ZFAT: variants seen among roughly 807,000 people sequenced by gnomAD.
ZFAT encodes zinc finger protein ZFAT.
Under a neutral mutation model 117.7 loss-of-function variants are expected in ZFAT, and 64 were observed. The ratio of observed to expected loss-of-function variants is 0.54; its 90% CI spans 0.44 to 0.67. ZFAT has a LOEUF of 0.67. ZFAT is among the 30% of genes least tolerant of loss of function. ZFAT has a pLI of 0.00. For missense variants in ZFAT, 1,433 were observed against 1,584.5 expected, an observed-to-expected ratio of 0.90 and a Z score of 1.62; for synonymous variants, 679 against 615.0, an observed-to-expected ratio of 1.10 and a Z score of -1.54.
chr8:134,777,424 G>C, the ZFAT span, among the ~76,000 whole-genome samples: 3 of 152,148 alleles, frequency 2.0e-5, no homozygotes, highest in African/African-American at 7.2e-5. Context: ...GGTAATGAAG[G>C]GGAAAGAATA....
chr8:134,734,559 G>A, the ZFAT span, among the ~76,000 whole-genome samples: 5 of 152,194 alleles, frequency 3.3e-5, no homozygotes, highest in Non-Finnish European at 7.3e-5. Flanking sequence ...ACAAACCCTC[G>A]TGGCACAGTG....
In ZFAT at chr8:134,712,892, A is replaced by AG; in HGVS notation, c.-30dup. The stretch of plus-strand genomic sequence containing the variant: ...AACGCCCCACCGCGGAGGAAAAAAA[A>AG]GCCTCGGGCTCTTCCGGGCCCCCTC... On this transcript the variant is annotated 5_prime_UTR_variant, in exon 1 of 16. Coordinates refer to ENST00000377838, the MANE Select transcript of ZFAT (RefSeq NM_020863.4). 6.6e-7 allele frequency: 1 copy of AG among 1,506,336 alleles called. No homozygotes were observed. Among genetic ancestry groups the AG allele is most frequent in the Non-Finnish European group, 8.9e-7 (1 of 1,127,516 alleles). The allele number at this position is 1,506,336 out of a possible 1,614,324, so 93.3% of individuals were successfully genotyped here.
At chr8:134,554,361 C>A (rs995779873) in intron 11 of ZFAT, among the ~76,000 whole-genome samples, 3 of 152,194 alleles carry the variant, frequency 2.0e-5, no homozygotes, top group Non-Finnish European at 2.9e-5. Flanking sequence ...GCCAAGGATA[C>A]AAAGAAACCT....
At chr8:134,785,660 ATC>A in the ZFAT span, 1 of 152,032 alleles carries the variant, frequency 6.6e-6, no homozygotes, top group African/African-American at 2.4e-5. Context: ...GTTCTCATGT[ATC>A]TGTTTCTGTA....
intron 2 of ZFAT, among the ~76,000 whole-genome samples, chr8:134,652,389 GA>G (rs369628358): frequency 5.3e-4 from 80 of 152,190 alleles, no homozygotes; most frequent in African/African-American, 1.9e-3. Context: ...TTCTATAGCA[GA>G]AAAAAACTCA....
intron 15 of ZFAT, among the ~76,000 whole-genome samples, chr8:134,492,207 C>G (rs1239742149): frequency 6.6e-6 from 1 of 152,020 alleles, no homozygotes; most frequent in Non-Finnish European, 1.5e-5. Flanking sequence ...GTTGCCCAGC[C>G]CTGCATGTGA....
chr8:134,565,492 A>G lies in ZFAT; in HGVS notation c.2888-71T>C, dbSNP rs531195996. The stretch of plus-strand genomic sequence containing the variant: ...TCCCACTGTGAATGAAGTGCCAGGC[A>G]TGGAGCCAGGTACACAAAGGTGTTC... On this transcript the variant is annotated intron_variant, in intron 10 of 15. Transcript: ENST00000377838. The G allele has an allele frequency of 1.6e-5, 23 of 1,425,670 alleles. No homozygotes were observed. In the South Asian group the frequency reaches 2.0e-4, roughly 13 times the overall value. 88.3% of individuals were successfully genotyped at this position (1,425,670 alleles called of 1,614,324 possible).
At position 134,653,166 on chromosome 8, in the gene ZFAT, C is replaced by CATT. The variant is rs1184170076; in HGVS notation, c.196+4392_196+4394dup. On this transcript the variant is annotated intron_variant, in intron 2 of 15. Transcript: ENST00000377838. ...GGGTTTTTGGTGGGGTTTTTTTTTT[C>CATT]ATTATTATTATTATTATAATACTTT... Among the ~76,000 whole-genome samples the CATT allele has an allele frequency of 7.6e-3, 995 of 131,260 alleles. 10 individuals are homozygous for CATT. The highest frequency in any genetic ancestry group is 0.025 in the African/African-American group (901 of 36,036). The allele number at this position is 131,260 out of a possible 152,430, so 86.1% of individuals were successfully genotyped here. A position where few individuals can be genotyped will look rare whatever the true frequency, so the allele number is the denominator to read the frequency against.
the ZFAT span, among the ~76,000 whole-genome samples, chr8:134,827,733 A>G: frequency 6.7e-6 from 1 of 149,692 alleles, no homozygotes; most frequent in East Asian, 2.0e-4. Context: ...GCGCCACTGC[A>G]CTCCAGCCTG....
the ZFAT span, among the ~76,000 whole-genome samples, chr8:134,759,980 A>AAG: frequency 6.7e-6 from 1 of 149,028 alleles, no homozygotes; most frequent in Non-Finnish European, 1.5e-5. Flanking sequence ...CAAAAAAAAA[A>AAG]AAAAAAAAAA....
intron 3 of ZFAT, 132 bp downstream of exon 3, chr8:134,637,329 A>T: frequency 8.5e-7 from 1 of 1,178,474 alleles, no homozygotes; most frequent in Non-Finnish European, 1.2e-6. Flanking sequence ...GAAAATAAGC[A>T]CTTTTCCAGA....
chr8:134,625,945 G>C (rs1295926216), intron 3 of ZFAT, among the ~76,000 whole-genome samples: 1 of 152,220 alleles, frequency 6.6e-6, no homozygotes, highest in Admixed American at 6.5e-5. Flanking sequence ...GCACTTCAGA[G>C]AGCAACTGTA....
intron 1 of ZFAT, chr8:134,696,355 A>G: frequency 3.0e-6 from 3 of 984,420 alleles, no homozygotes; most frequent in Non-Finnish European, 3.6e-6. Context: ...GGAGTGGAGA[A>G]CAGCCGAGAC....
At chr8:134,812,374 T>C in the ZFAT span, among the ~76,000 whole-genome samples, 1 of 152,208 alleles carries the variant, frequency 6.6e-6, no homozygotes, top group South Asian at 2.1e-4. Context: ...TATTTATCCT[T>C]CAAGGACCAG....
intron 1 of ZFAT, among the ~76,000 whole-genome samples, chr8:134,682,476 G>A (rs972957973): frequency 6.6e-6 from 1 of 152,042 alleles, no homozygotes; most frequent in Non-Finnish European, 1.5e-5. Flanking sequence ...GGGACATGGC[G>A]AAACCTGTCT....
chr8:134,727,630 T>C, the ZFAT span, among the ~76,000 whole-genome samples: 3 of 150,954 alleles, frequency 2.0e-5, no homozygotes, highest in Non-Finnish European at 4.4e-5. Flanking sequence ...TGAATAGGGC[T>C]TTTTTTTGAG....
the ZFAT span, among the ~76,000 whole-genome samples, chr8:134,778,265 C>T: frequency 6.6e-6 from 1 of 152,186 alleles, no homozygotes; most frequent in African/African-American, 2.4e-5. Context: ...AAATATATGG[C>T]ACCAGATATG....
chr8:134,782,703 C>T, the ZFAT span, among the ~76,000 whole-genome samples: 1 of 152,044 alleles, frequency 6.6e-6, no homozygotes, highest in Admixed American at 6.6e-5. Flanking sequence ...TTGTCTGCTG[C>T]CATGCAAGAT....
chr8:134,490,387 T>C (rs1817965454), intron 15 of ZFAT, among the ~76,000 whole-genome samples: 1 of 152,182 alleles, frequency 6.6e-6, no homozygotes, highest in African/African-American at 2.4e-5. Context: ...ATGCCTGGGT[T>C]CAACCACGAA....
Sources: gnomAD v4.1 joint callset for allele counts (sites outside exome capture counted in the v4.1 genomes callset) on GRCh38, gnomAD v4.1.1 for gene constraint, MANE v1.5 for transcripts, NCBI Gene and HGNC (gene_info 2026-07-23, HGNC 2026-07-21) for gene names.